Variants in EXTL3 observed in about 807,000 individuals in gnomAD.
EXTL3 encodes exostosin like glycosyltransferase 3, also known as exostosin-like 3.
EXTL3 carries 27 observed loss-of-function variants against 69.3 expected under a neutral mutation model. The observed-to-expected ratio is 0.39, with a 90% CI of 0.29 to 0.54. The LOEUF (loss-of-function observed/expected upper bound fraction) is 0.54, where lower values mean the gene tolerates loss of function less well. Ranked by LOEUF, EXTL3 falls within the 20% of genes least tolerant of loss-of-function variation. The pLI, the probability that EXTL3 is intolerant of heterozygous loss-of-function variation, is 0.69. For synonymous variants in EXTL3, 511 were observed against 499.4 expected (o/e 1.02, Z -0.31); for missense variants, 1,003 against 1,231.8 (o/e 0.81, Z 2.78).
At chr8:28,643,697 C>T (rs745352092) in intron 1 of EXTL3, among the ~76,000 whole-genome samples, 3 of 152,110 alleles carry the variant, frequency 2.0e-5, no homozygotes, top group Non-Finnish European at 4.4e-5. Flanking sequence ...GTATTACAGG[C>T]GTGAGCCACC....
upstream of EXTL3, among the ~76,000 whole-genome samples, chr8:28,617,812 A>C (rs980317980): frequency 6.6e-6 from 1 of 152,208 alleles, no homozygotes; most frequent in Non-Finnish European, 1.5e-5. Flanking sequence ...AACAATAAAA[A>C]AAACAAGAAA....
intron 5 of EXTL3, among the ~76,000 whole-genome samples, chr8:28,739,140 G>A (rs17442432): frequency 0.047 from 7,089 of 152,152 alleles, 204 homozygotes; most frequent in Admixed American, 0.082. Context: ...TGAGGTCTGC[G>A]TTTGTATATT....
intron 1 of EXTL3, chr8:28,685,898 C>A (rs765555067): frequency 6.7e-6 from 1 of 150,170 alleles, no homozygotes; most frequent in Non-Finnish European, 1.5e-5. Context: ...AGAGTCTTGT[C>A]TTGTCACTCA....
At chr8:28,652,039 C>CTGTGTGTG (rs34231513) in intron 1 of EXTL3, among the ~76,000 whole-genome samples, 2,872 of 145,196 alleles carry the variant, frequency 0.02, 95 homozygotes, top group African/African-American at 0.074. Context: ...GTGTGTGTGT[C>CTGTGTGTG]TGTGTGTGTG....
chr8:28,725,923 C>A (rs1038065577), intron 3 of EXTL3, among the ~76,000 whole-genome samples: 9 of 150,884 alleles, frequency 6.0e-5, no homozygotes, highest in Non-Finnish European at 1.3e-4. Context: ...TCTTAGAGGC[C>A]GTGCTGATCT....
chr8:28,704,040 C>G (rs934196974), intron 1 of EXTL3, among the ~76,000 whole-genome samples: 1 of 152,164 alleles, frequency 6.6e-6, no homozygotes, highest in Non-Finnish European at 1.5e-5. Context: ...CTTTTCTTGC[C>G]TGAACCAGTT....
intron 1 of EXTL3, among the ~76,000 whole-genome samples, chr8:28,635,263 A>G (rs552416152): frequency 1.8e-4 from 28 of 152,136 alleles, no homozygotes; most frequent in African/African-American, 6.3e-4. Context: ...ACTATAAAAG[A>G]CAGAAAACAC....
In EXTL3 at chr8:28,742,870, G is replaced by A. The variant is rs1369236399; in HGVS notation, c.2422-216G>A. The stretch of plus-strand genomic sequence containing the variant: ...GATGATATGACATTCTGTTACTAAA[G>A]GGGGTGATGATGGCAGTTTGAATGG... On this transcript the variant is annotated intron_variant, in intron 5 of 6. Coordinates refer to ENST00000220562, the MANE Select transcript of EXTL3 (RefSeq NM_001440.4). 3 of 579,112 alleles carry A rather than the reference G, an allele frequency of 5.2e-6. No individual in the cohort carries two copies. In the South Asian group the frequency reaches 5.5e-5, roughly 11 times the overall value. The allele number at this position is 579,112 out of a possible 1,614,324, so 35.9% of individuals were successfully genotyped here.
At position 28,717,928 on chromosome 8, in the gene EXTL3, G is replaced by A; in HGVS notation, c.1869G>A (p.Leu623=). The change falls in exon 3 of 7, where the codon TTG becomes TTA. Residue 623 remains leucine (L), a synonymous_variant. Transcript: ENST00000220562. The surrounding 1 kb of genome is among the most constrained non-coding windows in gnomAD (Gnocchi z 8.3). ...LFPHTPFDPV[L]PSEAKFLGSG... ...CCCACACTCCCTTTGACCCTGTGTT[G>A]CCCTCAGAGGCCAAATTCTTGGGCT... The A allele has an allele frequency of 1.2e-6, 2 of 1,614,216 alleles. No individual in the cohort carries two copies. Among genetic ancestry groups the A allele is most frequent in the Non-Finnish European group, 1.7e-6 (2 of 1,180,044 alleles).
At chr8:28,666,857 G>A (rs1309041621) in intron 1 of EXTL3, among the ~76,000 whole-genome samples, 2 of 152,130 alleles carry the variant, frequency 1.3e-5, no homozygotes, top group Non-Finnish European at 2.9e-5. Flanking sequence ...TTACAGGCAT[G>A]AGCCACCACG....
intron 1 of EXTL3, among the ~76,000 whole-genome samples, chr8:28,679,901 G>C (rs185888102): frequency 3.3e-5 from 5 of 152,282 alleles, no homozygotes; most frequent in Admixed American, 2.6e-4. Flanking sequence ...GAAGCTGTCA[G>C]TCTAATAGAA....
At chr8:28,694,166 C>A (rs1240701462) in intron 1 of EXTL3, among the ~76,000 whole-genome samples, 2 of 152,170 alleles carry the variant, frequency 1.3e-5, no homozygotes, top group Non-Finnish European at 2.9e-5. Flanking sequence ...ATCCCCTTCT[C>A]CTGGATATTA....
intron 3 of EXTL3, among the ~76,000 whole-genome samples, chr8:28,728,702 A>C (rs751289497): frequency 1.3e-5 from 2 of 152,144 alleles, no homozygotes; most frequent in Admixed American, 1.3e-4. Flanking sequence ...TCAAGGCTAC[A>C]TAGCCAGAAC....
intron 3 of EXTL3, 137 bp from the exon 4 acceptor site, chr8:28,731,086 C>T: frequency 1.0e-6 from 1 of 969,304 alleles, no homozygotes. Flanking sequence ...AAGGCATATG[C>T]TAGATTTTAC....
intron 1 of EXTL3, among the ~76,000 whole-genome samples, chr8:28,691,000 A>T (rs1800606352): frequency 6.6e-6 from 1 of 152,102 alleles, no homozygotes; most frequent in Non-Finnish European, 1.5e-5. Context: ...GTTGGGGGGA[A>T]GTGTATGCCT....
At chr8:28,725,306 G>A (rs1320517792) in intron 3 of EXTL3, among the ~76,000 whole-genome samples, 3 of 152,100 alleles carry the variant, frequency 2.0e-5, no homozygotes, top group Non-Finnish European at 4.4e-5. Flanking sequence ...ATGATATTGT[G>A]CAGAAGAGCT....
intron 1 of EXTL3, among the ~76,000 whole-genome samples, chr8:28,705,148 G>C (rs1800895187): frequency 6.6e-6 from 1 of 152,112 alleles, no homozygotes; most frequent in African/African-American, 2.4e-5. Flanking sequence ...GAGTAGGTAG[G>C]GTGGTGAAAT....
intron 1 of EXTL3, among the ~76,000 whole-genome samples, chr8:28,675,410 A>G (rs1807365147): frequency 6.6e-6 from 1 of 152,210 alleles, no homozygotes; most frequent in Admixed American, 6.5e-5. Context: ...AGTATAGTCC[A>G]ATTACCGTTA....
At chr8:28,651,652 T>C (rs982532455) in intron 1 of EXTL3, among the ~76,000 whole-genome samples, 1 of 152,156 alleles carries the variant, frequency 6.6e-6, no homozygotes. Flanking sequence ...CCTGTATTCA[T>C]AGGTCATTTT....
Sources: gnomAD v4.1 joint callset for allele counts (sites outside exome capture counted in the v4.1 genomes callset) on GRCh38, gnomAD v4.1.1 for gene constraint, Gnocchi (gnomAD v3.1) non-coding constraint, MANE v1.5 for transcripts, NCBI Gene and HGNC (gene_info 2026-07-23, HGNC 2026-07-21) for gene names.